The following SLIT3 variants were observed in gnomAD, a reference collection of about 807,000 sequenced individuals.
The protein encoded by SLIT3 is slit homolog 3 protein.
In SLIT3, 68 loss-of-function variants were observed where a neutral mutation model predicts 184.0. The observed-to-expected ratio is 0.37, with a 90% confidence interval of 0.30 to 0.45. SLIT3 has a LOEUF of 0.45. Ranked by LOEUF, SLIT3 falls within the 20% of genes least tolerant of loss-of-function variation. The probability of loss-of-function intolerance (pLI) is 1.00; values close to 1 mark genes in which losing one functional copy is unlikely to be tolerated. For synonymous variants in SLIT3, 831 were observed against 828.6 expected (o/e 1.00, Z -0.05); for missense variants, 1,707 against 2,026.0 (o/e 0.84, Z 3.02).
chr5:168,926,453 C>A (rs925726243), intron 4 of SLIT3, among the ~76,000 whole-genome samples: 3 of 152,224 alleles, frequency 2.0e-5, no homozygotes, highest in African/African-American at 7.2e-5. Flanking sequence ...ACCATCACCA[C>A]TGCCTTAGTT....
intron 4 of SLIT3, among the ~76,000 whole-genome samples, chr5:169,048,614 C>G (rs1228769713): frequency 6.6e-6 from 1 of 152,126 alleles, no homozygotes; most frequent in African/African-American, 2.4e-5. Context: ...GTGTTGCTAC[C>G]AAGTACTCAA....
intron 9 of SLIT3, among the ~76,000 whole-genome samples, chr5:168,801,678 G>T (rs1756771227): frequency 6.6e-6 from 1 of 152,112 alleles, no homozygotes; most frequent in African/African-American, 2.4e-5. Flanking sequence ...GAACATGTGG[G>T]TCTCTGGGGC....
At chr5:169,069,328 C>G (rs1299449547) in intron 4 of SLIT3, among the ~76,000 whole-genome samples, 1 of 152,200 alleles carries the variant, frequency 6.6e-6, no homozygotes, top group Non-Finnish European at 1.5e-5. Context: ...ATGCACACGA[C>G]AGGTGAAATA....
chr5:169,066,944 A>G (rs1301642592), intron 4 of SLIT3, among the ~76,000 whole-genome samples: 2 of 102,578 alleles, frequency 1.9e-5, no homozygotes, highest in African/African-American at 8.3e-5. Context: ...CCTTTCCTGA[A>G]AAAAAAAAAA....
chr5:168,823,388 A>G, intron 6 of SLIT3, 57 bp from the exon 7 acceptor site: 2 of 1,275,330 alleles, frequency 1.6e-6, no homozygotes, highest in Non-Finnish European at 2.3e-6. Flanking sequence ...AGGCACCAAG[A>G]TGCTTGTAGT....
At chr5:168,762,748 T>C in intron 14 of SLIT3, 59 bp from the exon 15 acceptor site, 1 of 1,564,710 alleles carries the variant, frequency 6.4e-7, no homozygotes. Flanking sequence ...CAGCCCCAGG[T>C]TGTGGGTAGT....
At chr5:169,231,394 T>C (rs1054719040) in intron 3 of SLIT3, among the ~76,000 whole-genome samples, 1 of 152,160 alleles carries the variant, frequency 6.6e-6, no homozygotes, top group African/African-American at 2.4e-5. Context: ...TAACACCACC[T>C]CGGCTTTTAA....
At chr5:168,999,954 A>AT (rs1755645810) in intron 4 of SLIT3, among the ~76,000 whole-genome samples, 1 of 152,052 alleles carries the variant, frequency 6.6e-6, no homozygotes, top group Admixed American at 6.5e-5. Context: ...ACCCTTCATG[A>AT]TTTTTTCCAC....
intron 4 of SLIT3, among the ~76,000 whole-genome samples, chr5:169,089,019 CAAAAAAAAAAAAAAAAAAAAAAAA>C (rs570118972): frequency 0.01 from 260 of 25,566 alleles, 9 homozygotes; most frequent in African/African-American, 0.026. Flanking sequence ...GACTCCATCT[CAAAAAAAAAAAAAAAAAAAAAAAA>C]AAAAAAAAAA....
intron 32 of SLIT3, among the ~76,000 whole-genome samples, chr5:168,678,882 T>A (rs1761495539): frequency 6.6e-6 from 1 of 152,040 alleles, no homozygotes; most frequent in African/African-American, 2.4e-5. Context: ...ATTTAAGGAT[T>A]TCAGGGGAGA....
At chr5:169,289,587 C>G (rs1036567122) in intron 1 of SLIT3, among the ~76,000 whole-genome samples, 5 of 152,202 alleles carry the variant, frequency 3.3e-5, no homozygotes, top group African/African-American at 1.2e-4. Context: ...CAGGGCAGAA[C>G]TCTGAGTTCT....
rs1427558024 is a variant in SLIT3, at chr5:168,924,504, GTGTA to G, written c.414-41172_414-41169del. 9.1e-3 allele frequency among the ~76,000 whole-genome samples: 1,245 copies of G among 136,802 alleles called. 15 individuals are homozygous for G. The highest frequency in any genetic ancestry group is 0.032 in the African/African-American group (1,013 of 32,034). 89.7% of individuals were successfully genotyped at this position (136,802 alleles called of 152,430 possible). A position where few individuals can be genotyped will look rare whatever the true frequency, so the allele number is the denominator to read the frequency against. On this transcript the variant is annotated intron_variant, in intron 4 of 35. Transcript: ENST00000519560. ...TAAGGGTGTGTAAGGGTGTGTGTGTGTGTATGTGTGTGTGTGTGTGTGTGTAGCT... is the reference window on the plus strand; with the variant it reads ...TAAGGGTGTGTAAGGGTGTGTGTGTGTGTGTGTGTGTGTGTGTGTGTAGCT...
At chr5:169,250,531 C>T (rs1038790179) in intron 2 of SLIT3, among the ~76,000 whole-genome samples, 19 of 152,220 alleles carry the variant, frequency 1.2e-4, no homozygotes, top group African/African-American at 3.6e-4. Flanking sequence ...GAACCAAATA[C>T]AAAATTCATT....
intron 11 of SLIT3, among the ~76,000 whole-genome samples, chr5:168,787,668 C>T (rs1026009228): frequency 2.6e-5 from 4 of 152,216 alleles, no homozygotes; most frequent in African/African-American, 9.7e-5. Context: ...CACCTCCCAG[C>T]TCCCTTGCAT....
intron 16 of SLIT3, among the ~76,000 whole-genome samples, chr5:168,758,818 G>C (rs188799331): frequency 6.6e-6 from 1 of 152,294 alleles, no homozygotes; most frequent in Non-Finnish European, 1.5e-5. Flanking sequence ...AGAAAAAAAC[G>C]AGGTGGTACA....
intron 4 of SLIT3, among the ~76,000 whole-genome samples, chr5:168,958,162 A>G (rs887886848): frequency 6.6e-6 from 1 of 152,208 alleles, no homozygotes; most frequent in African/African-American, 2.4e-5. Flanking sequence ...TACTCATCAT[A>G]TATTTCAAAG....
intron 1 of SLIT3, among the ~76,000 whole-genome samples, chr5:169,291,326 A>G (rs1473716723): frequency 2.0e-5 from 3 of 152,174 alleles, no homozygotes; most frequent in Non-Finnish European, 4.4e-5. Flanking sequence ...GTTCATCAGA[A>G]CTACTCTTGG....
intron 3 of SLIT3, among the ~76,000 whole-genome samples, chr5:169,243,062 G>A (rs1313407381): frequency 6.6e-6 from 1 of 151,914 alleles, no homozygotes; most frequent in African/African-American, 2.4e-5. Context: ...GTCTCTCTGG[G>A]TCTGTTTCTT....
chr5:169,238,019 T>C (rs544667604), intron 3 of SLIT3, among the ~76,000 whole-genome samples: 13 of 152,208 alleles, frequency 8.5e-5, no homozygotes, highest in Non-Finnish European at 1.8e-4. Flanking sequence ...ATCAGTTAAC[T>C]GTATTTGCAT....
Sources: gnomAD v4.1 joint callset for allele counts (sites outside exome capture counted in the v4.1 genomes callset) on GRCh38, gnomAD v4.1.1 for gene constraint, MANE v1.5 for transcripts, NCBI Gene and HGNC (gene_info 2026-07-23, HGNC 2026-07-21) for gene names.